The following FASN variants were observed in gnomAD, a reference collection of about 807,000 sequenced individuals.
The protein encoded by FASN is fatty acid synthase.
In FASN, 50 loss-of-function variants were observed where a neutral mutation model predicts 250.0. The observed-to-expected ratio is 0.20, with a 90% confidence interval of 0.16 to 0.25. The LOEUF (loss-of-function observed/expected upper bound fraction) is 0.25, where lower values mean the gene tolerates loss of function less well. FASN is among the 10% of genes least tolerant of loss of function. The pLI, the probability that FASN is intolerant of heterozygous loss-of-function variation, is 1.00. For missense variants in FASN, 3,031 were observed against 3,498.5 expected (o/e 0.87, Z 3.37); for synonymous variants, 1,909 against 1,584.0 (o/e 1.21, Z -4.87).
At chr17:82,089,581 G>C (rs1260744142) in intron 12 of FASN, 51 bp downstream of exon 12, 47 of 1,550,556 alleles carry the variant, frequency 3.0e-5, no homozygotes, top group Non-Finnish European at 3.6e-5. Flanking sequence ...TGCCAGACTT[G>C]CAATGGCAGG....
At position 82,080,434 on chromosome 17, in the gene FASN, G is replaced by T; in HGVS notation, c.6983C>A (p.Ala2328Asp). ...CSQLQAQQSPAPTHNSLFLFD... is the reference protein window; with the variant it reads ...CSQLQAQQSPDPTHNSLFLFD... ...CAGGAAGAGGCTGTTGTGGGTGGGG[G>T]CTGGGCTCTGCTGGGCCTGCAGCTG... is the stretch of plus-strand genomic sequence containing the variant. Residue 2328 changes from alanine (A) to aspartate (D), a missense_variant, in exon 40 of 43, where the codon GCC becomes GAC. Physicochemically the swap from Ala to Asp is moderately radical, Grantham distance 126. Coordinates refer to ENST00000306749, the MANE Select transcript of FASN (RefSeq NM_004104.5). 6.3e-7 allele frequency: 1 copy of T among 1,596,458 alleles called. No homozygotes were observed. The highest frequency in any genetic ancestry group is 1.1e-5 in the South Asian group (1 of 88,862).
At chr17:82,093,126 G>T in intron 5 of FASN, 93 bp downstream of exon 5, 1 of 1,548,020 alleles carries the variant, frequency 6.5e-7, no homozygotes, top group Non-Finnish European at 8.7e-7. Context: ...GGGATCCCCG[G>T]AGCTGGCAGG....
At chr17:82,092,863 C>T (rs758658773) in intron 6 of FASN, 34 bp downstream of exon 6, 1 of 1,587,612 alleles carries the variant, frequency 6.3e-7, no homozygotes, top group South Asian at 1.1e-5. Context: ...CTCCCACCTG[C>T]CCCCCAGCAC....
rs376275854 is a variant in FASN, at chr17:82,080,770, T to G, written c.6748A>C (p.Ile2250Leu). The change falls in exon 39 of 43, where the codon ATC becomes CTC. Residue 2250 changes from isoleucine to leucine, a missense_variant. Ile to Leu is a conservative substitution (Grantham distance 5). Coordinates refer to ENST00000306749, the MANE Select transcript of FASN (RefSeq NM_004104.5). The part of the protein sequence containing the change: ...SERPLFLVHP[I>L]EGSTTVFHSL... ...TGGAACACGGTGGTGGAGCCCTCGATTGGGTGCACCAGGAACAGGGGCCGC... is the reference window on the plus strand; with the variant it reads ...TGGAACACGGTGGTGGAGCCCTCGAGTGGGTGCACCAGGAACAGGGGCCGC... 1 of 1,604,540 alleles carries G rather than the reference T, an allele frequency of 6.2e-7. No homozygotes were observed. Among genetic ancestry groups the G allele is most frequent in the African/African-American group, 1.3e-5 (1 of 74,834 alleles).
intron 41 of FASN, 116 bp from the exon 42 acceptor site, chr17:82,079,724 C>A: frequency 7.1e-7 from 1 of 1,402,356 alleles, no homozygotes. Context: ...GTTACCCAGG[C>A]TAGATGGAGT....
chr17:82,084,863 G>A lies in FASN; in HGVS notation c.4500C>T (p.Asp1500=), dbSNP rs1162637722. 2 of 1,550,448 alleles carry A rather than the reference G, an allele frequency of 1.3e-6. No individual in the cohort carries two copies. Among genetic ancestry groups the A allele is most frequent in the Non-Finnish European group, 8.7e-7 (1 of 1,147,064 alleles). ...SAELQKVLQG[D]LVMNVYRDGA... ...CGTCGCGGTAGACGTTCATCACCAG[G>A]TCTCCCTGCAACACCTTCTGCAGTT... Residue 1500 remains aspartate (D), a synonymous_variant, in exon 26 of 43, where the codon GAC becomes GAT. Transcript: ENST00000306749.
At chr17:82,082,803 GA>G (rs1733988333) in intron 33 of FASN, 110 bp downstream of exon 33, 1 of 1,545,796 alleles carries the variant, frequency 6.5e-7, no homozygotes, top group African/African-American at 1.4e-5. Flanking sequence ...GATGGAGGGG[GA>G]CAGACCCCAG....
chr17:82,092,601 A>G lies in FASN; in HGVS notation c.895-12T>C, dbSNP rs552241875. On this transcript the variant is annotated splice_polypyrimidine_tract_variant and intron_variant, in intron 7 of 42. Coordinates refer to ENST00000306749, the MANE Select transcript of FASN (RefSeq NM_004104.5). Reference sequence around the variant, plus strand: ...TGGGGGTCGCCCACCTGTGGGAAACATGGGGGGTGAGGGGCTCTGGCCAGG... The same window carrying G: ...TGGGGGTCGCCCACCTGTGGGAAACGTGGGGGGTGAGGGGCTCTGGCCAGG... The G allele has an allele frequency of 6.8e-5, 106 of 1,552,830 alleles. 1 individual carries two copies. The South Asian group carries it at 9.2e-4, about 14-fold the overall frequency.
rs149454216 is a variant in FASN, at chr17:82,090,471, C to T, written c.1774G>A (p.Gly592Ser). The change falls in exon 11 of 43, where the codon GGC becomes AGC. Residue 592 changes from glycine to serine, a missense_variant. Transcript: ENST00000306749. Reference sequence around the variant, plus strand: ...ACGGCCTCCTCCTGGGACAGGCAGCCGTCGGCGTAGCCACAGGCCACCTCC... The same window carrying T: ...ACGGCCTCCTCCTGGGACAGGCAGCTGTCGGCGTAGCCACAGGCCACCTCC... The part of the protein sequence containing the change: ...LGEVACGYAD[G>S]CLSQEEAVLA... 1.1e-4 allele frequency: 184 copies of T among 1,607,862 alleles called. 2 individuals carry two copies. The South Asian group carries it at 1.2e-3, about 11-fold the overall frequency.
At chr17:82,097,020 T>G in intron 1 of FASN, 3 of 203,486 alleles carry the variant, frequency 1.5e-5, no homozygotes, top group East Asian at 1.2e-4. Context: ...CGTGTTGGGG[T>G]GGGGGCCCGC....
At chr17:82,097,756 TCGGCTCCGGGG>T (rs981845182) in intron 1 of FASN, among the ~76,000 whole-genome samples, 30 of 152,092 alleles carry the variant, frequency 2.0e-4, no homozygotes, top group East Asian at 7.8e-4. Flanking sequence ...GGGCTGGGCC[TCGGCTCCGGGG>T]CGGCTCCGGG....
At chr17:82,093,468 C>T (rs1302751972) in intron 4 of FASN, 49 bp from the exon 5 acceptor site, 1 of 1,580,678 alleles carries the variant, frequency 6.3e-7, no homozygotes, top group Non-Finnish European at 8.6e-7. Context: ...GCACACGAGA[C>T]CCCTGAGCAC....
chr17:82,080,418 G>A lies in FASN; in HGVS notation c.6999C>T (p.Ser2333=), dbSNP rs1331007674. 2 of 1,602,016 alleles carry A rather than the reference G, an allele frequency of 1.2e-6. No homozygotes were observed. Among genetic ancestry groups the A allele is most frequent in the Non-Finnish European group, 1.7e-6 (2 of 1,175,078 alleles). Residue 2333 remains serine (S), a synonymous_variant, in exon 40 of 43, where the codon AGC becomes AGT. Coordinates refer to ENST00000306749, the MANE Select transcript of FASN (RefSeq NM_004104.5). ...AQQSPAPTHN[S]LFLFDGSPTY... ...TGGGCGAGCCGTCGAACAGGAAGAG[G>A]CTGTTGTGGGTGGGGGCTGGGCTCT...
Position 82,090,324 on chromosome 17 carries a change from G to A in FASN, c.1870+51C>T, listed in dbSNP as rs772034012. 11 of 1,531,450 alleles carry A rather than the reference G, an allele frequency of 7.2e-6. No homozygotes were observed. The East Asian group carries it at 2.6e-4, about 37-fold the overall frequency. The allele number at this position is 1,531,450 out of a possible 1,614,324, so 94.9% of individuals were successfully genotyped here. A position where few individuals can be genotyped will look rare whatever the true frequency, so the allele number is the denominator to read the frequency against. ...GCTGCAGGTGAGGACCCCACAGCGAGAAGGCAGCCTCCTTTCTTGGAGGTG... is the reference window on the plus strand; with the variant it reads ...GCTGCAGGTGAGGACCCCACAGCGAAAAGGCAGCCTCCTTTCTTGGAGGTG... On this transcript the variant is annotated intron_variant, in intron 11 of 42. Coordinates refer to ENST00000306749, the MANE Select transcript of FASN (RefSeq NM_004104.5).
chr17:82,080,599 G>A lies in FASN; in HGVS notation c.6827-9C>T. On this transcript the variant is annotated splice_polypyrimidine_tract_variant and intron_variant, in intron 39 of 42. Coordinates refer to ENST00000306749, the MANE Select transcript of FASN (RefSeq NM_004104.5). ...GCTGTCAAGGGGCGCAGCTGCAATG[G>A]CAGTGCCGGGCACTCAGCATGTGCA... 1.3e-6 allele frequency: 2 copies of A among 1,552,676 alleles called. No individual in the cohort carries two copies. The highest frequency in any genetic ancestry group is 1.7e-6 in the Non-Finnish European group (2 of 1,148,786).
At position 82,082,086 on chromosome 17, in the gene FASN, G is replaced by A. The variant is rs139545909; in HGVS notation, c.6086C>T (p.Ala2029Val). 285 of 1,609,556 alleles carry A rather than the reference G, an allele frequency of 1.8e-4. No individual in the cohort carries two copies. In the Middle Eastern group the frequency reaches 2.6e-3, roughly 15 times the overall value. Reference protein sequence around the residue: ...FSSVSCGRGNAGQSNYGFANS... With the variant: ...FSSVSCGRGNVGQSNYGFANS... ...GGCAAAGCCGTAGTTGCTCTGTCCC[G>A]CATTGCCACGCCCGCAGCTCACAGA... Residue 2029 changes from alanine (A) to valine (V), a missense_variant, in exon 36 of 43, where the codon GCG becomes GTG. Coordinates refer to ENST00000306749, the MANE Select transcript of FASN (RefSeq NM_004104.5).
intron 1 of FASN, 87 bp downstream of exon 1, chr17:82,098,034 G>A (rs1413447709): frequency 1.6e-5 from 5 of 316,204 alleles, no homozygotes; most frequent in Non-Finnish European, 2.3e-5. Flanking sequence ...CCCGAGAGCG[G>A]AGGATGAGGA....
chr17:82,095,183 G>T, intron 3 of FASN, 137 bp downstream of exon 3: 1 of 1,075,770 alleles, frequency 9.3e-7, no homozygotes, highest in Non-Finnish European at 1.4e-6. Context: ...TGAGCCCGTT[G>T]GCCAGGCCAG....
rs756009222 is a variant in FASN at position 82,087,373 on chromosome 17, G to A, written c.3175C>T (p.Pro1059Ser). The change falls in exon 20 of 43, where the codon CCT becomes TCT. Residue 1059 changes from proline to serine, a missense_variant. Coordinates refer to ENST00000306749, the MANE Select transcript of FASN (RefSeq NM_004104.5). ...PTRVTAIHID[P>S]ATHRQKLYTL... ...TACAGCTTCTGCCTGTGGGTGGCAG[G>A]GTCGATGTGGATGGCGGTGACACGG... The A allele has an allele frequency of 1.2e-6, 2 of 1,612,626 alleles. No homozygotes were observed. The highest frequency in any genetic ancestry group is 1.7e-6 in the Non-Finnish European group (2 of 1,179,982).
Sources: allele counts gnomAD v4.1 joint callset (sites outside exome capture counted in the v4.1 genomes callset), GRCh38; gene constraint gnomAD v4.1.1; transcripts MANE v1.5; gene names NCBI Gene and HGNC (gene_info 2026-07-23, HGNC 2026-07-21).